The following VPS13B variants were observed in gnomAD, a reference collection of about 807,000 sequenced individuals.
VPS13B encodes intermembrane lipid transfer protein VPS13B.
Under a neutral mutation model 426.4 loss-of-function variants are expected in VPS13B, and 285 were observed. The observed-to-expected ratio is 0.67, with a 90% CI of 0.61 to 0.74. The LOEUF (loss-of-function observed/expected upper bound fraction) is 0.74, where lower values mean the gene tolerates loss of function less well. Among genes scored for constraint, VPS13B ranks in the 30% least tolerant of loss-of-function variants. The pLI, the probability that VPS13B is intolerant of heterozygous loss-of-function variation, is 0.00. For synonymous variants in VPS13B, 1,676 were observed against 1,676.4 expected, an observed-to-expected ratio of 1.00 and a Z score of 0.01; for missense variants, 4,537 against 4,782.6, an observed-to-expected ratio of 0.95 and a Z score of 1.51.
chr8:99,463,255 G>A (rs1818929606), intron 23 of VPS13B, among the ~76,000 whole-genome samples: 1 of 152,156 alleles, frequency 6.6e-6, no homozygotes, highest in Admixed American at 6.5e-5. Flanking sequence ...TTGAAATAAT[G>A]TTTTAGAGAA....
rs141211386 is a variant in VPS13B at position 99,642,118 on chromosome 8, A to T, written c.5528A>T (p.Glu1843Val). ...KSKSQEQKNN[E>V]KTDKSSLNLP... ...AAATCACAAGAACAGAAGAATAATG[A>T]AAAAACAGACAAGAGTTCATTAAAT... The change falls in exon 34 of 62, where the codon GAA becomes GTA. Residue 1843 changes from glutamate to valine, a missense_variant. Around this residue, in one of 2 missense-constraint regions of VPS13B, gnomAD observed 4,311 missense variants for 4,474.3 expected, o/e 0.96. Coordinates refer to ENST00000357162, the MANE Select transcript of VPS13B (RefSeq NM_152564.5). 4.2e-5 allele frequency: 68 copies of T among 1,614,170 alleles called. No individual in the cohort carries two copies. The Admixed American group carries it at 5.3e-4, about 13-fold the overall frequency.
chr8:99,196,450 G>C (rs960262406), intron 17 of VPS13B, among the ~76,000 whole-genome samples: 1 of 149,124 alleles, frequency 6.7e-6, no homozygotes, highest in African/African-American at 2.5e-5. Context: ...AAAAGTTTTT[G>C]GATGGAGTCT....
intron 19 of VPS13B, 48 bp from the exon 20 acceptor site, chr8:99,384,160 T>A: frequency 6.9e-7 from 1 of 1,457,030 alleles, no homozygotes. Context: ...AATAGCTTAT[T>A]GTTTTTTATG....
rs750709127 is a variant in VPS13B, at chr8:99,391,696, C to T, written c.3074C>T (p.Thr1025Met). Residue 1025 changes from threonine (T) to methionine (M), a missense_variant, in exon 21 of 62, where the codon ACG (threonine) becomes ATG (methionine). This residue lies in a region of VPS13B where 4,311 missense variants were observed against 4,474.3 expected (regional missense o/e 0.96). Transcript: ENST00000357162. ...EYASSPVKTK[T>M]VTESRPLSVP... ...GCCAGCAGCCCTGTAAAAACAAAAA[C>T]GGTAACAGGTATGTGTCAAGTACTG... The T allele has an allele frequency of 2.2e-5, 36 of 1,613,832 alleles. No homozygotes were observed. Among genetic ancestry groups the T allele is most frequent in the Non-Finnish European group, 2.6e-5 (31 of 1,179,934 alleles).
chr8:99,778,971 T>A lies in VPS13B; in HGVS notation c.7719T>A (p.Phe2573Leu). 1.2e-6 allele frequency: 2 copies of A among 1,613,962 alleles called. No homozygotes were observed. Among genetic ancestry groups the A allele is most frequent in the Non-Finnish European group, 1.7e-6 (2 of 1,179,878 alleles). ...GCACCGTGATAGTTGATTCTGTATTTGTAAACCTTGGACAGCATGTAGTCC... is the reference window on the plus strand; with the variant it reads ...GCACCGTGATAGTTGATTCTGTATTAGTAAACCTTGGACAGCATGTAGTCC... Reference protein sequence around the residue: ...LDCTVIVDSVFVNLGQHVVHS... With the variant: ...LDCTVIVDSVLVNLGQHVVHS... Residue 2573 changes from phenylalanine (F) to leucine (L), a missense_variant, in exon 42 of 62, where the codon TTT becomes TTA. Physicochemically the swap from Phe to Leu is conservative, Grantham distance 22 (BLOSUM62 0). Transcript: ENST00000357162.
At chr8:99,360,517 C>T (rs1162295999) in intron 19 of VPS13B, among the ~76,000 whole-genome samples, 1 of 151,566 alleles carries the variant, frequency 6.6e-6, no homozygotes, top group African/African-American at 2.4e-5. Context: ...GACCTCGTGA[C>T]CCGCCCGTCT....
At chr8:99,747,934 G>A (rs2130521800) in intron 39 of VPS13B, among the ~76,000 whole-genome samples, 1 of 152,014 alleles carries the variant, frequency 6.6e-6, no homozygotes, top group Admixed American at 6.6e-5. Context: ...TATTCTGTGT[G>A]GATGTAAGAC....
At chr8:99,282,986 G>T (rs996372456) in intron 19 of VPS13B, among the ~76,000 whole-genome samples, 2 of 152,108 alleles carry the variant, frequency 1.3e-5, no homozygotes, top group Admixed American at 6.6e-5. Flanking sequence ...ACATTGGGAG[G>T]TAGTTCTTTG....
Position 99,450,815 on chromosome 8 carries a change from G to A in VPS13B, c.3445+8180G>A, listed in dbSNP as rs192418782. Among the ~76,000 whole-genome samples, 455 of 151,760 alleles carry A rather than the reference G, an allele frequency of 3.0e-3. 4 individuals are homozygous for A. Among genetic ancestry groups the A allele is most frequent in the Middle Eastern group, 6.8e-3 (2 of 292 alleles). ...TTAGAATTGCTTGTTTATCATTCTG[G>A]GATTCCAAATTTCTATTAAATTTGC... On this transcript the variant is annotated intron_variant, in intron 23 of 61. Transcript: ENST00000357162.
At chr8:99,474,160 T>G (rs1819560884) in intron 24 of VPS13B, among the ~76,000 whole-genome samples, 1 of 151,756 alleles carries the variant, frequency 6.6e-6, no homozygotes, top group African/African-American at 2.4e-5. Context: ...CAAGACATTC[T>G]TCAAACAATG....
chr8:99,063,609 C>T (rs1169382627), intron 3 of VPS13B, among the ~76,000 whole-genome samples: 2 of 152,224 alleles, frequency 1.3e-5, no homozygotes, highest in African/African-American at 4.8e-5. Context: ...TCAGCAAGGC[C>T]TGCTGCCTCA....
chr8:99,067,381 A>T (rs897668489), intron 3 of VPS13B, among the ~76,000 whole-genome samples: 3 of 152,176 alleles, frequency 2.0e-5, no homozygotes, highest in Non-Finnish European at 2.9e-5. Context: ...TTCTGAGCAA[A>T]CCGTCACAAG....
At chr8:99,587,781 C>T (rs1826383156) in intron 33 of VPS13B, among the ~76,000 whole-genome samples, 3 of 151,762 alleles carry the variant, frequency 2.0e-5, no homozygotes, top group Non-Finnish European at 2.9e-5. Flanking sequence ...TGCCTGTTCA[C>T]TCTGATGGTA....
chr8:99,497,206 T>A (rs1820960173), intron 25 of VPS13B, among the ~76,000 whole-genome samples: 1 of 140,558 alleles, frequency 7.1e-6, no homozygotes, highest in African/African-American at 2.6e-5. Flanking sequence ...ATTTATATAT[T>A]TAATATATAT....
intron 19 of VPS13B, among the ~76,000 whole-genome samples, chr8:99,344,890 A>G (rs1243011256): frequency 1.3e-5 from 2 of 152,186 alleles, no homozygotes; most frequent in Non-Finnish European, 1.5e-5. Flanking sequence ...CTTTTCTTTT[A>G]CGGTTTGTGT....
intron 30 of VPS13B, among the ~76,000 whole-genome samples, chr8:99,543,442 A>G (rs1185666144): frequency 6.6e-6 from 1 of 151,664 alleles, no homozygotes; most frequent in South Asian, 2.1e-4. Context: ...CAATGGCAAC[A>G]AAAGCCAAAA....
At chr8:99,163,841 G>A (rs1369905289) in intron 15 of VPS13B, among the ~76,000 whole-genome samples, 1 of 152,204 alleles carries the variant, frequency 6.6e-6, no homozygotes, top group African/African-American at 2.4e-5. Context: ...CCAGAAAGGG[G>A]CTCCCACAGT....
At chr8:99,529,353 A>C (rs1822811561) in intron 30 of VPS13B, among the ~76,000 whole-genome samples, 1 of 152,178 alleles carries the variant, frequency 6.6e-6, no homozygotes, top group South Asian at 2.1e-4. Flanking sequence ...TATTGTGGTC[A>C]TCTTTCAGTG....
chr8:99,051,033 A>C (rs915832849), intron 3 of VPS13B, among the ~76,000 whole-genome samples: 1 of 152,038 alleles, frequency 6.6e-6, no homozygotes, highest in Non-Finnish European at 1.5e-5. Flanking sequence ...TCTTTAGTTT[A>C]ATTAGATCCC....
Sources: gnomAD v4.1 joint callset for allele counts (sites outside exome capture counted in the v4.1 genomes callset) on GRCh38, gnomAD v4.1.1 for gene constraint, gnomAD v4.1.1 regional missense constraint, MANE v1.5 for transcripts, NCBI Gene and HGNC (gene_info 2026-07-23, HGNC 2026-07-21) for gene names.